SYT1: variants seen among roughly 807,000 people sequenced by gnomAD.
The protein encoded by SYT1 is synaptotagmin-1.
A neutral mutation model predicts 44.8 loss-of-function variants in SYT1; 8 were observed. The observed-to-expected ratio is 0.18, with a 90% CI of 0.10 to 0.32. The LOEUF (loss-of-function observed/expected upper bound fraction) is 0.32, where lower values mean the gene tolerates loss of function less well. Ranked by LOEUF, SYT1 falls within the 10% of genes least tolerant of loss-of-function variation. The probability of loss-of-function intolerance (pLI) is 1.00; values close to 1 mark genes in which losing one functional copy is unlikely to be tolerated. For synonymous variants in SYT1, 154 were observed against 188.8 expected (o/e 0.82, Z 1.51); for missense variants, 286 against 509.3 (o/e 0.56, Z 4.22).
At chr12:79,315,073 C>T (rs187045723) in intron 8 of SYT1, among the ~76,000 whole-genome samples, 1 of 152,266 alleles carries the variant, frequency 6.6e-6, no homozygotes. Flanking sequence ...ATGATGGTTA[C>T]ATAACCCAGT....
intron 3 of SYT1, among the ~76,000 whole-genome samples, chr12:79,119,137 G>A (rs1879455373): frequency 6.6e-6 from 1 of 152,066 alleles, no homozygotes; most frequent in African/African-American, 2.4e-5. Context: ...TAGAGAATCT[G>A]TGCCTGTCCT....
intron 3 of SYT1, among the ~76,000 whole-genome samples, chr12:79,071,583 C>T (rs559246044): frequency 6.6e-6 from 1 of 152,308 alleles, no homozygotes; most frequent in South Asian, 2.1e-4. Context: ...TATTCTCTCA[C>T]AGTTCTGAAG....
intron 8 of SYT1, among the ~76,000 whole-genome samples, chr12:79,304,128 C>T (rs1362460677): frequency 1.3e-5 from 2 of 152,204 alleles, no homozygotes; most frequent in Non-Finnish European, 2.9e-5. Flanking sequence ...TGTCTATCTT[C>T]CTCACTGGAC....
chr12:79,266,457 A>G (rs1878132319), intron 4 of SYT1, among the ~76,000 whole-genome samples: 1 of 152,202 alleles, frequency 6.6e-6, no homozygotes, highest in Non-Finnish European at 1.5e-5. Flanking sequence ...GATCTGTGAA[A>G]ACCTACAATA....
chr12:79,151,006 AT>A (rs1213058316), intron 3 of SYT1, among the ~76,000 whole-genome samples: 3 of 152,160 alleles, frequency 2.0e-5, no homozygotes, highest in Non-Finnish European at 2.9e-5. Flanking sequence ...ACTCCTCGAG[AT>A]AAGAAAGGGG....
In SYT1 at chr12:79,048,257, G is replaced by GA. The variant is rs907127479; in HGVS notation, c.-18+902dup. ...TATCAAACTAGAGTCAAGTTCAATG[G>GA]AAAAAAATGTAAGTTTGATATATAA... On this transcript the variant is annotated intron_variant, in intron 3 of 10. Coordinates refer to ENST00000261205, the MANE Select transcript of SYT1 (RefSeq NM_005639.3). Among the ~76,000 whole-genome samples the GA allele has an allele frequency of 1.2e-4, 18 of 151,350 alleles. 1 individual carries two copies. The highest frequency in any genetic ancestry group is 9.2e-4 in the Admixed American group (14 of 15,190).
At chr12:79,157,340 A>G (rs927730815) in intron 3 of SYT1, among the ~76,000 whole-genome samples, 4 of 152,176 alleles carry the variant, frequency 2.6e-5, no homozygotes, top group African/African-American at 9.6e-5. Flanking sequence ...CACCTTGGGC[A>G]ATTAAAAATT....
chr12:78,912,145 C>T (rs1321704295), intron 1 of SYT1, among the ~76,000 whole-genome samples: 2 of 151,810 alleles, frequency 1.3e-5, no homozygotes, highest in Non-Finnish European at 2.9e-5. Flanking sequence ...GTGTATCTGT[C>T]ATTTGTGATA....
rs574136756 is a variant in SYT1 at position 78,931,037 on chromosome 12, G to A, written c.-216-46762G>A. On this transcript the variant is annotated intron_variant, in intron 1 of 10. Transcript: ENST00000261205. ...TCAAGTCAGGCGCTGTGGCTCACGCGTGAAATCCCAGCTACTTGGGAGGCT... is the reference window on the plus strand; with the variant it reads ...TCAAGTCAGGCGCTGTGGCTCACGCATGAAATCCCAGCTACTTGGGAGGCT... Among the ~76,000 whole-genome samples the A allele has an allele frequency of 7.3e-5, 11 of 150,834 alleles. No individual in the cohort carries two copies. The East Asian group carries it at 7.8e-4, about 11-fold the overall frequency.
chr12:78,980,295 G>GT (rs976318497), intron 2 of SYT1, among the ~76,000 whole-genome samples: 26 of 152,124 alleles, frequency 1.7e-4, no homozygotes, highest in African/African-American at 5.8e-4. Context: ...TACAGAGAAT[G>GT]TTTGACCCAT....
intron 4 of SYT1, among the ~76,000 whole-genome samples, chr12:79,282,210 G>A (rs112536629): frequency 3.9e-5 from 6 of 152,194 alleles, no homozygotes; most frequent in African/African-American, 1.4e-4. Flanking sequence ...TACCAGGCAG[G>A]GTAAGGTATT....
chr12:79,065,995 ATGAAT>A (rs1194226655), intron 3 of SYT1, among the ~76,000 whole-genome samples: 2 of 152,172 alleles, frequency 1.3e-5, no homozygotes, highest in African/African-American at 4.8e-5. Flanking sequence ...AAAGATATAA[ATGAAT>A]TGAATTATGA....
At chr12:79,185,367 A>C (rs1872745183) in intron 3 of SYT1, among the ~76,000 whole-genome samples, 1 of 151,770 alleles carries the variant, frequency 6.6e-6, no homozygotes, top group Non-Finnish European at 1.5e-5. Flanking sequence ...CACCTCCATC[A>C]GGCACTTTTA....
intron 9 of SYT1, among the ~76,000 whole-genome samples, chr12:79,440,745 C>T (rs964877754): frequency 1.3e-5 from 2 of 151,950 alleles, no homozygotes; most frequent in South Asian, 2.1e-4. Context: ...TATCCAGAGG[C>T]CTATTTTGTA....
At chr12:79,223,647 G>A (rs1875307530) in intron 4 of SYT1, among the ~76,000 whole-genome samples, 1 of 152,202 alleles carries the variant, frequency 6.6e-6, no homozygotes. Flanking sequence ...CACTAATGCT[G>A]CCTGCTGCTG....
chr12:79,008,286 T>C (rs1871215381), intron 2 of SYT1, among the ~76,000 whole-genome samples: 1 of 152,048 alleles, frequency 6.6e-6, no homozygotes, highest in African/African-American at 2.4e-5. Flanking sequence ...TGGTTTGTTC[T>C]AGGAGCAGAT....
chr12:79,203,865 C>T (rs1397254599), intron 3 of SYT1, among the ~76,000 whole-genome samples: 2 of 152,182 alleles, frequency 1.3e-5, no homozygotes, highest in African/African-American at 4.8e-5. Flanking sequence ...TGGATTTTAA[C>T]CATCTGCGTA....
intron 4 of SYT1, among the ~76,000 whole-genome samples, chr12:79,259,631 G>A (rs1406493493): frequency 2.0e-5 from 3 of 152,168 alleles, no homozygotes; most frequent in Non-Finnish European, 2.9e-5. Context: ...CTACTCAGGA[G>A]GCTGAGGCAG....
intron 2 of SYT1, among the ~76,000 whole-genome samples, chr12:79,016,604 G>T (rs967509132): frequency 1.3e-5 from 2 of 152,050 alleles, no homozygotes; most frequent in South Asian, 2.1e-4. Context: ...ATTTAAAGGG[G>T]AAAAACTCAA....
Sources: gnomAD v4.1 joint callset for allele counts (sites outside exome capture counted in the v4.1 genomes callset) on GRCh38, gnomAD v4.1.1 for gene constraint, MANE v1.5 for transcripts, NCBI Gene and HGNC (gene_info 2026-07-23, HGNC 2026-07-21) for gene names.